Variants in ASIC2 observed in about 807,000 individuals in gnomAD.
ASIC2 encodes the protein acid-sensing ion channel 2.
A neutral mutation model predicts 57.3 loss-of-function variants in ASIC2; 25 were observed. The observed-to-expected ratio is 0.44, with a 90% CI of 0.32 to 0.61. ASIC2 has a LOEUF of 0.61. ASIC2 is among the 20% of genes least tolerant of loss of function. The pLI is 0.06. For synonymous variants in ASIC2, 319 were observed against 307.5 expected (o/e 1.04, Z -0.39); for missense variants, 641 against 738.1 (o/e 0.87, Z 1.52).
intron 1 of ASIC2, among the ~76,000 whole-genome samples, chr17:33,675,793 A>G (rs1907800937): frequency 1.3e-5 from 2 of 152,104 alleles, no homozygotes; most frequent in Admixed American, 1.3e-4. Context: ...ACTGGTTTCA[A>G]ACTCCTGGGC....
intron 1 of ASIC2, among the ~76,000 whole-genome samples, chr17:33,321,686 G>C (rs780920275): frequency 6.6e-6 from 1 of 152,106 alleles, no homozygotes; most frequent in Non-Finnish European, 1.5e-5. Context: ...AGTCATCAGA[G>C]GAAACAGGTT....
chr17:33,035,675 T>C (rs1018607287), intron 3 of ASIC2, among the ~76,000 whole-genome samples: 1 of 152,234 alleles, frequency 6.6e-6, no homozygotes, highest in Non-Finnish European at 1.5e-5. Context: ...GATTTTCTAA[T>C]TTGGTGAGAC....
chr17:33,987,620 C>T (rs918804657), intron 1 of ASIC2, among the ~76,000 whole-genome samples: 2 of 152,090 alleles, frequency 1.3e-5, no homozygotes, highest in African/African-American at 2.4e-5. Context: ...AATCCCATTC[C>T]AGTATCATTT....
intron 1 of ASIC2, among the ~76,000 whole-genome samples, chr17:33,981,971 C>G (rs549876951): frequency 6.6e-6 from 1 of 152,162 alleles, no homozygotes; most frequent in African/African-American, 2.4e-5. Context: ...TTGGCACCAA[C>G]CGGAAGGTTG....
intron 1 of ASIC2, among the ~76,000 whole-genome samples, chr17:33,771,474 T>A (rs1029899457): frequency 1.3e-5 from 2 of 152,198 alleles, no homozygotes; most frequent in African/African-American, 4.8e-5. Context: ...TCTTCCTTTG[T>A]ATTGCTGTTT....
chr17:33,385,601 T>C (rs145100889), intron 1 of ASIC2, among the ~76,000 whole-genome samples: 20 of 152,266 alleles, frequency 1.3e-4, no homozygotes, highest in Non-Finnish European at 2.4e-4. Flanking sequence ...ATTTCATTAC[T>C]AATGGAGACA....
At position 34,061,804 on chromosome 17, in the gene ASIC2, C is replaced by T. The variant is rs1908981676; in HGVS notation, c.555+94174G>A. On this transcript the variant is annotated intron_variant, in intron 1 of 9. Coordinates refer to the ASIC2 transcript ENST00000359872. ...AAGGACATTATATAATGGTAAAAGG[C>T]CTTGTACAACAAGAAAATATTACAA... Among the ~76,000 whole-genome samples, 3 of 152,090 alleles carry T rather than the reference C, an allele frequency of 2.0e-5. No homozygotes were observed. The South Asian group carries it at 6.2e-4, about 31-fold the overall frequency.
At chr17:33,769,582 C>T (rs1911035677) in intron 1 of ASIC2, among the ~76,000 whole-genome samples, 1 of 152,228 alleles carries the variant, frequency 6.6e-6, no homozygotes, top group Non-Finnish European at 1.5e-5. Context: ...TATTTATGAA[C>T]ACGTATCCTT....
intron 1 of ASIC2, among the ~76,000 whole-genome samples, chr17:34,066,547 A>G (rs1294687543): frequency 1.3e-5 from 2 of 152,192 alleles, no homozygotes. Flanking sequence ...TCTGCCCAGC[A>G]GCTGAAAGCC....
chr17:33,851,011 G>A (rs983268610), intron 1 of ASIC2, among the ~76,000 whole-genome samples: 5 of 152,098 alleles, frequency 3.3e-5, no homozygotes, highest in Non-Finnish European at 7.4e-5. Flanking sequence ...GATCCCTCAT[G>A]GAAGAGTTAA....
At chr17:34,055,121 T>G (rs1223365786) in intron 1 of ASIC2, among the ~76,000 whole-genome samples, 1 of 152,192 alleles carries the variant, frequency 6.6e-6, no homozygotes, top group Non-Finnish European at 1.5e-5. Flanking sequence ...TGGCCAGCAG[T>G]TAGATGGTGC....
chr17:33,282,539 A>C (rs530411503), intron 1 of ASIC2, among the ~76,000 whole-genome samples: 2 of 151,518 alleles, frequency 1.3e-5, no homozygotes, highest in Non-Finnish European at 2.9e-5. Context: ...TAGTGGTACA[A>C]TCTTGGCTCA....
chr17:33,778,911 A>T (rs898625511), intron 1 of ASIC2, among the ~76,000 whole-genome samples: 3 of 152,098 alleles, frequency 2.0e-5, no homozygotes, highest in Admixed American at 2.0e-4. Flanking sequence ...GGGTATTCTA[A>T]CTTATGCTAT....
chr17:33,837,023 T>A (rs1197534968), intron 1 of ASIC2, among the ~76,000 whole-genome samples: 1 of 152,222 alleles, frequency 6.6e-6, no homozygotes, highest in Admixed American at 6.5e-5. Context: ...TTAAATTATA[T>A]CTGAGTTCCT....
chr17:33,015,149 G>C (rs145444346), intron 9 of ASIC2, among the ~76,000 whole-genome samples: 2 of 152,288 alleles, frequency 1.3e-5, no homozygotes, highest in East Asian at 3.9e-4. Flanking sequence ...TAGGGAGAAG[G>C]GGCTGGGATC....
chr17:33,541,617 G>C (rs982826579), intron 1 of ASIC2, among the ~76,000 whole-genome samples: 2 of 152,128 alleles, frequency 1.3e-5, no homozygotes, highest in African/African-American at 4.8e-5. Flanking sequence ...AGTAAGGTGA[G>C]GACTGTATCA....
intron 1 of ASIC2, among the ~76,000 whole-genome samples, chr17:33,175,610 C>T (rs546944015): frequency 1.4e-4 from 22 of 152,048 alleles, no homozygotes; most frequent in Non-Finnish European, 2.4e-4. Context: ...ACATTTACAG[C>T]GATGAACCTC....
chr17:33,485,976 T>A (rs1236600566), intron 1 of ASIC2, among the ~76,000 whole-genome samples: 1 of 152,230 alleles, frequency 6.6e-6, no homozygotes, highest in Non-Finnish European at 1.5e-5. Flanking sequence ...TTCCTGCCTC[T>A]GCTTTGCTGC....
At chr17:33,571,024 G>T in intron 1 of ASIC2, among the ~76,000 whole-genome samples, 1 of 152,182 alleles carries the variant, frequency 6.6e-6, no homozygotes, top group Non-Finnish European at 1.5e-5. Context: ...CTTTTGATGG[G>T]AGGAGATCTA....
Sources: gnomAD v4.1 joint callset for allele counts (sites outside exome capture counted in the v4.1 genomes callset) on GRCh38, gnomAD v4.1.1 for gene constraint, MANE v1.5 for transcripts, NCBI Gene and HGNC (gene_info 2026-07-23, HGNC 2026-07-21) for gene names.